Variants in NFAT5 observed in about 807,000 individuals in gnomAD.
NFAT5 encodes the protein nuclear factor of activated T-cells 5.
In NFAT5, 31 loss-of-function variants were observed where a neutral mutation model predicts 166.5. The observed-to-expected ratio is 0.19, with a 90% CI of 0.14 to 0.25. The LOEUF (loss-of-function observed/expected upper bound fraction) is 0.25. Ranked by LOEUF, NFAT5 falls within the 10% of genes least tolerant of loss-of-function variation. NFAT5 has a pLI of 1.00. For synonymous variants in NFAT5, 612 were observed against 639.7 expected, an observed-to-expected ratio of 0.96 and a Z score of 0.65; for missense variants, 1,449 against 1,821.8, an observed-to-expected ratio of 0.80 and a Z score of 3.72.
At chr16:69,638,461 C>T (rs534073692) in intron 3 of NFAT5, among the ~76,000 whole-genome samples, 38 of 152,098 alleles carry the variant, frequency 2.5e-4, no homozygotes, top group African/African-American at 8.2e-4. Flanking sequence ...GGGCTGGGCA[C>T]GGTGGCTCAC....
At chr16:69,659,971 C>G in intron 7 of NFAT5, 72 bp downstream of exon 7, 5 of 1,286,010 alleles carry the variant, frequency 3.9e-6, no homozygotes, top group Non-Finnish European at 5.3e-6. Context: ...TTAGACATCT[C>G]TAAATTTTAG....
chr16:69,592,033 G>C (rs573000446), intron 2 of NFAT5, among the ~76,000 whole-genome samples: 2 of 150,776 alleles, frequency 1.3e-5, no homozygotes, highest in Non-Finnish European at 3.0e-5. Flanking sequence ...AGGTTTAGTG[G>C]TAACTCCTAC....
chr16:69,646,467 G>T, intron 3 of NFAT5: 1 of 780,964 alleles, frequency 1.3e-6, no homozygotes, highest in South Asian at 1.8e-5. Context: ...TTGATATCTG[G>T]AATAATCAGC....
Position 69,693,122 on chromosome 16 carries a change from T to C in NFAT5, c.3297T>C (p.Ala1099=). 6.2e-7 allele frequency: 1 copy of C among 1,614,178 alleles called. No individual in the cohort carries two copies. Among genetic ancestry groups the C allele is most frequent in the Non-Finnish European group, 8.5e-7 (1 of 1,180,038 alleles). ...LFHPQNPIAD[A]QNLSQETQGS... ...ATCCTCAAAATCCTATTGCCGATGC[T>C]CAGAACCTTTCCCAGGAAACTCAAG... Residue 1099 remains alanine, a synonymous_variant, in exon 13 of 15, where the codon GCT becomes GCC. Coordinates refer to ENST00000349945, the MANE Select transcript of NFAT5 (RefSeq NM_138713.4).
intron 5 of NFAT5, among the ~76,000 whole-genome samples, chr16:69,654,720 C>T (rs921766580): frequency 1.3e-5 from 2 of 152,208 alleles, no homozygotes; most frequent in African/African-American, 4.8e-5. Flanking sequence ...GTGCCAGGCA[C>T]TGTTCTAGAT....
intron 2 of NFAT5, among the ~76,000 whole-genome samples, chr16:69,610,325 G>A (rs2033648874): frequency 1.3e-5 from 2 of 152,082 alleles, no homozygotes; most frequent in Non-Finnish European, 2.9e-5. Flanking sequence ...AGGAAAACAA[G>A]ATGGGTTTTT....
At chr16:69,616,212 G>A (rs2033936658) in intron 2 of NFAT5, among the ~76,000 whole-genome samples, 1 of 151,906 alleles carries the variant, frequency 6.6e-6, no homozygotes. Context: ...AGGCTCCAAG[G>A]CCTCACATGC....
intron 3 of NFAT5, among the ~76,000 whole-genome samples, chr16:69,630,407 G>A (rs1463436988): frequency 6.6e-6 from 1 of 152,094 alleles, no homozygotes; most frequent in Non-Finnish European, 1.5e-5. Context: ...CTGGCCTCAA[G>A]CAGTTCTCCT....
In NFAT5 at chr16:69,704,292, C is replaced by G. The variant is rs2037946373; in HGVS notation, c.*7941C>G. On this transcript the variant is annotated 3_prime_UTR_variant, in exon 15 of 15. Transcript: ENST00000349945. ...TTACTTAATGTTTTAAGTATAGTAC[C>G]AATAATTTCATTAACCTGTTCTCAA... 6.6e-6 allele frequency: 1 copy of G among 152,500 alleles called. No homozygotes were observed. The highest frequency in any genetic ancestry group is 6.6e-5 in the Admixed American group (1 of 15,250). 9.4% of individuals were successfully genotyped at this position (152,500 alleles called of 1,614,324 possible).
At chr16:69,568,342 A>ATGTGTGTGTGTGTGTGTGTGTGTG (rs1490882720) in intron 1 of NFAT5, among the ~76,000 whole-genome samples, 153 bp from the exon 2 acceptor site, 73 of 47,858 alleles carry the variant, frequency 1.5e-3, no homozygotes, top group Admixed American at 3.7e-3. Flanking sequence ...GTGTATATAT[A>ATGTGTGTGTGTGTGTGTGTGTGTG]TATATGTGTG....
intron 3 of NFAT5, among the ~76,000 whole-genome samples, chr16:69,641,711 C>A (rs565686218): frequency 6.6e-5 from 10 of 152,140 alleles, no homozygotes; most frequent in African/African-American, 2.4e-4. Flanking sequence ...TTCTAGTTGA[C>A]AAATCTAGAG....
At chr16:69,657,556 C>G (rs1049460717) in intron 6 of NFAT5, among the ~76,000 whole-genome samples, 8 of 148,198 alleles carry the variant, frequency 5.4e-5, no homozygotes, top group African/African-American at 2.0e-4. Context: ...GTCAGGAGTT[C>G]AAGACCAGCC....
At chr16:69,641,160 C>T (rs1357405685) in intron 3 of NFAT5, among the ~76,000 whole-genome samples, 1 of 151,204 alleles carries the variant, frequency 6.6e-6, no homozygotes. Flanking sequence ...CACCTGTAGT[C>T]CCAGCTACTC....
chr16:69,582,667 T>C (rs1008629313), intron 2 of NFAT5, among the ~76,000 whole-genome samples: 1 of 150,804 alleles, frequency 6.6e-6, no homozygotes, highest in Non-Finnish European at 1.5e-5. Flanking sequence ...TAATTGGGCA[T>C]AGATGTATGG....
At chr16:69,594,645 A>G (rs921731042) in intron 2 of NFAT5, among the ~76,000 whole-genome samples, 3 of 152,166 alleles carry the variant, frequency 2.0e-5, no homozygotes, top group African/African-American at 4.8e-5. Context: ...TGACTGTACT[A>G]TGTTTTTTCC....
At chr16:69,640,518 G>C (rs914774398) in intron 3 of NFAT5, among the ~76,000 whole-genome samples, 1 of 152,126 alleles carries the variant, frequency 6.6e-6, no homozygotes, top group African/African-American at 2.4e-5. Context: ...ATGAGTGTTG[G>C]CCTTACAGCT....
intron 3 of NFAT5, among the ~76,000 whole-genome samples, chr16:69,639,978 G>A (rs891495732): frequency 2.6e-5 from 4 of 152,166 alleles, no homozygotes; most frequent in Admixed American, 2.6e-4. Flanking sequence ...ATTTTAACAT[G>A]TAAACGTATG....
intron 2 of NFAT5, among the ~76,000 whole-genome samples, chr16:69,578,911 G>A (rs1377126214): frequency 6.8e-6 from 1 of 148,060 alleles, no homozygotes; most frequent in Non-Finnish European, 1.5e-5. Context: ...GTCTGGCTCT[G>A]TCACCCAGGC....
rs2037903097 is a variant in NFAT5, at chr16:69,701,817, AAAGTTGTTTATGTTAGTGT to A, written c.*5468_*5486del. ...CCACTTTTTTTTAACTAGACAGGGC[AAAGTTGTTTATGTTAGTGT>A]ACTTCTTGTCTATCCTCAGTTAATT... On this transcript the variant is annotated 3_prime_UTR_variant, in exon 15 of 15. Coordinates refer to ENST00000349945, the MANE Select transcript of NFAT5 (RefSeq NM_138713.4). 1 of 152,192 alleles carries A rather than the reference AAAGTTGTTTATGTTAGTGT, an allele frequency of 6.6e-6. No homozygotes were observed. Among genetic ancestry groups the A allele is most frequent in the South Asian group, 2.1e-4 (1 of 4,828 alleles). The allele number at this position is 152,192 out of a possible 1,614,324, so 9.4% of individuals were successfully genotyped here.
Sources: allele counts gnomAD v4.1 joint callset (sites outside exome capture counted in the v4.1 genomes callset), GRCh38; gene constraint gnomAD v4.1.1; transcripts MANE v1.5; gene names NCBI Gene and HGNC (gene_info 2026-07-23, HGNC 2026-07-21).